Variants in TP73 observed in about 807,000 individuals in gnomAD.
TP73 encodes p53-like transcription factor.
Under a neutral mutation model 62.5 loss-of-function variants are expected in TP73, and 25 were observed. The observed-to-expected ratio is 0.40, with a 90% CI of 0.29 to 0.56. The LOEUF (loss-of-function observed/expected upper bound fraction) is 0.56. TP73 is among the 20% of genes least tolerant of loss of function. The probability of loss-of-function intolerance (pLI) is 0.46; values close to 1 mark genes in which losing one functional copy is unlikely to be tolerated. For synonymous variants in TP73, 423 were observed against 377.5 expected (o/e 1.12, Z -1.40); for missense variants, 754 against 913.3 (o/e 0.83, Z 2.25).
intron 3 of TP73, among the ~76,000 whole-genome samples, chr1:3,704,451 C>T (rs1213089507): frequency 2.0e-5 from 3 of 152,086 alleles, no homozygotes; most frequent in East Asian, 3.9e-4. Context: ...GGTTCACAGT[C>T]GAGTAGGGGA....
chr1:3,698,223 G>A, intron 3 of TP73: 6 of 730,294 alleles, frequency 8.2e-6, no homozygotes, highest in Non-Finnish European at 1.0e-5. Context: ...TGACACCTGG[G>A]TTGGGCTCTG....
intron 1 of TP73, among the ~76,000 whole-genome samples, chr1:3,677,880 G>A (rs1353175733): frequency 6.6e-6 from 1 of 151,812 alleles, no homozygotes; most frequent in Non-Finnish European, 1.5e-5. Context: ...ATTTTTTTAA[G>A]TTTTTGGAGA....
intron 3 of TP73, among the ~76,000 whole-genome samples, chr1:3,688,811 G>T (rs1645732396): frequency 6.6e-6 from 1 of 152,208 alleles, no homozygotes; most frequent in South Asian, 2.1e-4. Context: ...GGGGTCTCAG[G>T]CACGGTGCCC....
chr1:3,673,721 G>A (rs968635114), intron 1 of TP73, among the ~76,000 whole-genome samples: 12 of 152,190 alleles, frequency 7.9e-5, no homozygotes, highest in African/African-American at 2.9e-4. Context: ...ACACATATAT[G>A]ACAGCAAGAA....
At position 3,663,203 on chromosome 1, in the gene TP73, C is replaced by T. The variant is rs1468469150; in HGVS notation, c.-34+10562C>T. Among the ~76,000 whole-genome samples the T allele has an allele frequency of 6.6e-6, 1 of 152,132 alleles. No homozygotes were observed. Among genetic ancestry groups the T allele is most frequent in the Non-Finnish European group, 1.5e-5 (1 of 68,022 alleles). ...TTCACGAGGCTGGTGGCTGCGGCACCTACAAAGACAGGTTAACAAGAGGAC... is the reference window on the plus strand; with the variant it reads ...TTCACGAGGCTGGTGGCTGCGGCACTTACAAAGACAGGTTAACAAGAGGAC... On this transcript the variant is annotated intron_variant, in intron 1 of 13. Transcript: ENST00000378295. The surrounding 1 kb of genome is among the most constrained non-coding windows in gnomAD (Gnocchi z 4.7).
At chr1:3,686,478 G>T (rs1020781685) in intron 3 of TP73, among the ~76,000 whole-genome samples, 2 of 152,196 alleles carry the variant, frequency 1.3e-5, no homozygotes, top group African/African-American at 2.4e-5. Context: ...ACTCTGGGAT[G>T]CCAGGTGCTG....
At chr1:3,698,720 C>G (rs1320877264) in intron 3 of TP73, among the ~76,000 whole-genome samples, 2 of 152,134 alleles carry the variant, frequency 1.3e-5, no homozygotes, top group Non-Finnish European at 2.9e-5. Context: ...CAGTGGGCGG[C>G]TCAAATGTGG....
At chr1:3,717,669 G>A (rs1464227212) in intron 4 of TP73, among the ~76,000 whole-genome samples, 1 of 152,200 alleles carries the variant, frequency 6.6e-6, no homozygotes, top group Non-Finnish European at 1.5e-5. Flanking sequence ...CTAGAGGCCT[G>A]CTGGGGAGAC....
intron 1 of TP73, among the ~76,000 whole-genome samples, chr1:3,674,809 C>G (rs890483564): frequency 3.3e-5 from 5 of 152,190 alleles, no homozygotes; most frequent in Admixed American, 3.3e-4. Flanking sequence ...TGATGACGCC[C>G]TGCAGGAATT....
Position 3,729,392 on chromosome 1 carries a change from G to A in TP73, c.1140G>A (p.Leu380=), listed in dbSNP as rs747465762. 14 of 1,613,042 alleles carry A rather than the reference G, an allele frequency of 8.7e-6. No individual in the cohort carries two copies. In the East Asian group the frequency reaches 3.1e-4, roughly 36 times the overall value. The change falls in exon 10 of 14, where the codon TTG becomes TTA. Residue 380 remains leucine (L), a synonymous_variant. Transcript: ENST00000378295. The stretch of plus-strand genomic sequence containing the variant: ...AAGAGAGCCTGGAGCTGATGGAGTT[G>A]GTGCCGCAGCCACTGGTGGACTCCT... ...KLKESLELME[L]VPQPLVDSYR... is the part of the protein sequence containing the mutation.
At chr1:3,657,962 C>G (rs1478006602) in intron 1 of TP73, among the ~76,000 whole-genome samples, 1 of 152,238 alleles carries the variant, frequency 6.6e-6, no homozygotes, top group Non-Finnish European at 1.5e-5. Flanking sequence ...GGCCCCAGCC[C>G]TGGACCTGGC....
At chr1:3,706,683 C>A (rs573853574) in intron 3 of TP73, among the ~76,000 whole-genome samples, 41 of 152,234 alleles carry the variant, frequency 2.7e-4, no homozygotes, top group African/African-American at 9.4e-4. Context: ...ACATCGAGGC[C>A]AGACCAGCAC....
intron 3 of TP73, among the ~76,000 whole-genome samples, chr1:3,697,146 GC>G (rs1638734222): frequency 6.6e-6 from 1 of 152,070 alleles, no homozygotes; most frequent in South Asian, 2.1e-4. Context: ...TGGGGCCCCT[GC>G]GGGGCCCACC....
intron 10 of TP73, chr1:3,729,733 A>C: frequency 2.7e-6 from 2 of 753,018 alleles, no homozygotes; most frequent in Non-Finnish European, 4.5e-6. Context: ...CAGAGTGACC[A>C]TGACCCACCA....
At chr1:3,703,539 G>A (rs1639386407) in intron 3 of TP73, among the ~76,000 whole-genome samples, 1 of 152,240 alleles carries the variant, frequency 6.6e-6, no homozygotes, top group Non-Finnish European at 1.5e-5. Context: ...CCGCTGGGCT[G>A]TGCTAGGCGC....
At chr1:3,690,989 G>A (rs184672686) in intron 3 of TP73, 917 of 1,557,852 alleles carry the variant, frequency 5.9e-4, no homozygotes, top group African/African-American at 1.3e-3. Context: ...GGGACTTTGC[G>A]GGGGATTTTG....
At chr1:3,685,512 C>G (rs1557508734) in intron 3 of TP73, among the ~76,000 whole-genome samples, 2 of 152,220 alleles carry the variant, frequency 1.3e-5, no homozygotes, top group African/African-American at 2.4e-5. Flanking sequence ...GTGGGGAGAG[C>G]CAAGCCTCAT....
At chr1:3,719,052 C>T (rs1640850232) in intron 4 of TP73, among the ~76,000 whole-genome samples, 2 of 152,162 alleles carry the variant, frequency 1.3e-5, no homozygotes, top group Admixed American at 1.3e-4. Flanking sequence ...AACTGCCACC[C>T]ACAGGGCCGG....
In TP73 at chr1:3,701,194, C is replaced by A. The variant is rs1639138330; in HGVS notation, c.187-6355C>A. ...CTCGGGGAACAGGAGAGACCCCGAC[C>A]CCTGTGAGCACCTGCCCCCGAGAGC... On this transcript the variant is annotated intron_variant, in intron 3 of 13. Transcript: ENST00000378295. This position sits in a 1 kb window ranked among gnomAD's most constrained non-coding sequence, Gnocchi z 4.7. Among the ~76,000 whole-genome samples, 1 of 152,156 alleles carries A rather than the reference C, an allele frequency of 6.6e-6. No individual in the cohort carries two copies. The highest frequency in any genetic ancestry group is 2.1e-4 in the South Asian group (1 of 4,818).
Sources: gnomAD v4.1 joint callset for allele counts (sites outside exome capture counted in the v4.1 genomes callset) on GRCh38, gnomAD v4.1.1 for gene constraint, Gnocchi (gnomAD v3.1) non-coding constraint, MANE v1.5 for transcripts, NCBI Gene and HGNC (gene_info 2026-07-23, HGNC 2026-07-21) for gene names.